The following CNGA1 variants were observed in gnomAD, a reference collection of about 807,000 sequenced individuals.
The protein encoded by CNGA1 is cyclic nucleotide gated channel subunit alpha 1, also known as cyclic nucleotide-gated channel alpha-1.
A neutral mutation model predicts 69.7 loss-of-function variants in CNGA1; 53 were observed. That is an observed-to-expected ratio of 0.76 (90% CI 0.61 to 0.96). CNGA1 has a LOEUF of 0.96. Among genes scored for constraint, CNGA1 ranks in the 40% least tolerant of loss-of-function variants. CNGA1 has a pLI of 0.00. For synonymous variants in CNGA1, 249 were observed against 283.5 expected, an observed-to-expected ratio of 0.88 and a Z score of 1.22; for missense variants, 739 against 811.2, an observed-to-expected ratio of 0.91 and a Z score of 1.08.
chr4:47,971,846 A>G (rs1443695528), intron 3 of CNGA1, among the ~76,000 whole-genome samples: 1 of 152,130 alleles, frequency 6.6e-6, no homozygotes, highest in Non-Finnish European at 1.5e-5. Flanking sequence ...GTGAGCTGAG[A>G]TCATGCCATT....
Position 47,936,345 on chromosome 4 carries a change from T to C in CNGA1, c.*76A>G, listed in dbSNP as rs113646825. The C allele has an allele frequency of 6.5e-7, 1 of 1,533,946 alleles. No individual in the cohort carries two copies. The highest frequency in any genetic ancestry group is 9.0e-7 in the Non-Finnish European group (1 of 1,110,260). The stretch of plus-strand genomic sequence containing the variant: ...TCCCAACTGAGTCTTCCTCTTCTTT[T>C]AAATTTTAGTTGATGTCAGTCATAG... On this transcript the variant is annotated 3_prime_UTR_variant, in exon 11 of 11. Coordinates refer to ENST00000514170, the MANE Select transcript of CNGA1 (RefSeq NM_001379270.1).
intron 3 of CNGA1, among the ~76,000 whole-genome samples, chr4:47,976,302 CATATATATATACATATATATGTATATAT>C (rs1253248598): frequency 3.9e-4 from 12 of 30,642 alleles, no homozygotes; most frequent in Non-Finnish European, 7.4e-4. Context: ...TATACACATA[CATATATATATACATATATATGTATATAT>C]ATATATACAC....
chr4:47,947,003 G>C (rs964007141), intron 6 of CNGA1, among the ~76,000 whole-genome samples: 4 of 152,222 alleles, frequency 2.6e-5, no homozygotes, highest in South Asian at 2.1e-4. Flanking sequence ...GGCCAGGCTG[G>C]TCTCGATTCC....
intron 10 of CNGA1, 136 bp downstream of exon 10, chr4:47,940,627 C>G: frequency 1.5e-6 from 1 of 666,274 alleles, no homozygotes; most frequent in Non-Finnish European, 2.7e-6. Flanking sequence ...TGACTCTTGC[C>G]TTCACCTGTG....
In CNGA1 at chr4:48,010,890, C is replaced by T. The variant is rs1188183872; in HGVS notation, c.-219G>A. ...GTGGACGGCAAGCGAAAGCTCAGCT[C>T]GAGCTGTAACAAACATGGACCAGAA... On this transcript the variant is annotated 5_prime_UTR_variant, in exon 2 of 11. Coordinates refer to ENST00000514170, the MANE Select transcript of CNGA1 (RefSeq NM_001379270.1). 4 of 152,648 alleles carry T rather than the reference C, an allele frequency of 2.6e-5. No homozygotes were observed. The highest frequency in any genetic ancestry group is 2.0e-4 in the South Asian group (1 of 5,112). 9.5% of individuals were successfully genotyped at this position (152,648 alleles called of 1,614,324 possible).
At chr4:47,945,461 C>A (rs144726568) in intron 6 of CNGA1, among the ~76,000 whole-genome samples, 3 of 152,148 alleles carry the variant, frequency 2.0e-5, no homozygotes, top group African/African-American at 7.2e-5. Context: ...TACTTAGATA[C>A]ATTGAAGACT....
chr4:47,944,384 C>A (rs1444528059), intron 6 of CNGA1, among the ~76,000 whole-genome samples: 1 of 152,140 alleles, frequency 6.6e-6, no homozygotes, highest in Non-Finnish European at 1.5e-5. Context: ...AGGGACAGAA[C>A]AATAAAGTTG....
chr4:48,002,608 G>A (rs958711116), intron 2 of CNGA1, among the ~76,000 whole-genome samples: 1 of 151,320 alleles, frequency 6.6e-6, no homozygotes, highest in Admixed American at 6.6e-5. Flanking sequence ...GCCCTTCTGT[G>A]GGCTGAATTG....
intron 3 of CNGA1, among the ~76,000 whole-genome samples, chr4:47,964,204 T>C (rs909076764): frequency 6.6e-6 from 1 of 152,186 alleles, no homozygotes; most frequent in Non-Finnish European, 1.5e-5. Flanking sequence ...GAACACTCTC[T>C]TTGGAGACCT....
intron 2 of CNGA1, among the ~76,000 whole-genome samples, chr4:47,997,779 C>A (rs544094454): frequency 6.6e-6 from 1 of 152,294 alleles, no homozygotes; most frequent in South Asian, 2.1e-4. Flanking sequence ...AATGAGACAG[C>A]TTCACAAATA....
intron 2 of CNGA1, among the ~76,000 whole-genome samples, chr4:47,987,372 C>T (rs1742020799): frequency 6.6e-6 from 1 of 152,064 alleles, no homozygotes; most frequent in Admixed American, 6.6e-5. Context: ...TCAATGATGC[C>T]TTCATGTTTA....
intron 1 of CNGA1, 34 bp from the exon 2 acceptor site, chr4:48,010,927 C>T (rs1425050390): frequency 2.0e-5 from 3 of 152,330 alleles, no homozygotes; most frequent in African/African-American, 7.2e-5. Flanking sequence ...AGTGCAGTTG[C>T]AAGATTTAAT....
At chr4:47,978,218 A>G (rs1282837737) in intron 3 of CNGA1, among the ~76,000 whole-genome samples, 1 of 152,176 alleles carries the variant, frequency 6.6e-6, no homozygotes, top group Non-Finnish European at 1.5e-5. Context: ...GAATAATTTT[A>G]TCAAGTCCCC....
At chr4:47,958,159 G>T (rs1344910616) in intron 3 of CNGA1, among the ~76,000 whole-genome samples, 1 of 152,000 alleles carries the variant, frequency 6.6e-6, no homozygotes, top group African/African-American at 2.4e-5. Flanking sequence ...CTCCCAAAGT[G>T]TTGGGATGTG....
chr4:47,997,603 T>G (rs1452506273), intron 2 of CNGA1, among the ~76,000 whole-genome samples: 1 of 152,174 alleles, frequency 6.6e-6, no homozygotes, highest in Middle Eastern at 3.2e-3. Context: ...ATATATAATT[T>G]ACTTTTCTGC....
chr4:47,960,075 T>TAA (rs979205313), intron 3 of CNGA1, among the ~76,000 whole-genome samples: 1 of 151,938 alleles, frequency 6.6e-6, no homozygotes, highest in Non-Finnish European at 1.5e-5. Context: ...AAATCAACCA[T>TAA]AAAAACAACC....
chr4:47,947,613 T>C (rs987718646), intron 6 of CNGA1, among the ~76,000 whole-genome samples: 10 of 152,000 alleles, frequency 6.6e-5, no homozygotes, highest in African/African-American at 2.4e-4. Context: ...GAGGCTGCAG[T>C]GAGCCAAGAT....
chr4:47,989,584 G>T (rs1484713387), intron 2 of CNGA1, among the ~76,000 whole-genome samples: 2 of 151,864 alleles, frequency 1.3e-5, no homozygotes, highest in East Asian at 3.8e-4. Context: ...ATAAAATTTT[G>T]GTCAGTCTTA....
rs1023306743 is a variant in CNGA1 at position 47,943,407 on chromosome 4, G to A, written c.293C>T (p.Pro98Leu). 1.4e-6 allele frequency: 2 copies of A among 1,475,884 alleles called. No individual in the cohort carries two copies. Among genetic ancestry groups the A allele is most frequent in the African/African-American group, 2.9e-5 (2 of 69,322 alleles). 91.4% of individuals were successfully genotyped at this position (1,475,884 alleles called of 1,614,324 possible). Residue 98 changes from proline to leucine, a missense_variant, in exon 7 of 11, where the codon CCA becomes CTA. By Grantham distance (98) the Pro-to-Leu change is moderately conservative. Transcript: ENST00000514170. The stretch of plus-strand genomic sequence containing the variant: ...TTTTTTCTTTTTCTTTTTTTCTTCT[G>A]GTTCCCTAAAGAAAAAAATAATATA... ...VNNSSNKDQE[P>L]EEKKKKKKEK...
Sources: gnomAD v4.1 joint callset for allele counts (sites outside exome capture counted in the v4.1 genomes callset) on GRCh38, gnomAD v4.1.1 for gene constraint, MANE v1.5 for transcripts, NCBI Gene and HGNC (gene_info 2026-07-23, HGNC 2026-07-21) for gene names.